Variants in LARGE1 observed in about 807,000 individuals in gnomAD.
LARGE1 encodes the protein xylosyl- and glucuronyltransferase LARGE1.
Under a neutral mutation model 87.6 loss-of-function variants are expected in LARGE1, and 43 were observed. The observed-to-expected ratio is 0.49, with a 90% CI of 0.38 to 0.63. The LOEUF (loss-of-function observed/expected upper bound fraction) is 0.63, where lower values mean the gene tolerates loss of function less well. LARGE1 is among the 30% of genes least tolerant of loss of function. The probability of loss-of-function intolerance (pLI) is 0.00; values close to 1 mark genes in which losing one functional copy is unlikely to be tolerated. For missense variants in LARGE1, 802 were observed against 1,000.2 expected (o/e 0.80, Z 2.67); for synonymous variants, 434 against 394.6 (o/e 1.10, Z -1.18).
At position 33,221,462 on chromosome 22, in the gene LARGE1, T is replaced by C. The variant is rs567664104; in HGVS notation, c.1731-54630A>G. On this transcript the variant is annotated intron_variant, in intron 11 of 11. Transcript: ENST00000608642. ...GATGCAAGTTATTTAAAACTGGGTA[T>C]ACATCTTCAAGGTCACTATTCTGGA... 4 of 152,364 alleles carry C rather than the reference T, an allele frequency of 2.6e-5. 1 individual carries two copies. The highest frequency in any genetic ancestry group is 9.6e-5 in the African/African-American group (4 of 41,594). The allele number at this position is 152,364 out of a possible 1,614,324, so 9.4% of individuals were successfully genotyped here.
intron 9 of LARGE1, among the ~76,000 whole-genome samples, chr22:33,380,854 T>C (rs2065132376): frequency 6.6e-6 from 1 of 152,258 alleles, no homozygotes; most frequent in Non-Finnish European, 1.5e-5. Context: ...GCAAAAGCCC[T>C]TGCTGTCAGA....
At chr22:33,423,451 C>T (rs1022084504) in intron 7 of LARGE1, among the ~76,000 whole-genome samples, 2 of 151,326 alleles carry the variant, frequency 1.3e-5, no homozygotes, top group South Asian at 4.2e-4. Flanking sequence ...CTGAGGTGGG[C>T]GGATCACTTG....
intron 3 of LARGE1, among the ~76,000 whole-genome samples, chr22:33,644,072 T>C (rs2080528920): frequency 6.6e-6 from 1 of 152,116 alleles, no homozygotes; most frequent in Non-Finnish European, 1.5e-5. Flanking sequence ...GAGGCCAGCA[T>C]CACCCTAACA....
At chr22:33,894,473 T>C (rs996974368) in intron 1 of LARGE1, among the ~76,000 whole-genome samples, 1 of 152,056 alleles carries the variant, frequency 6.6e-6, no homozygotes. Flanking sequence ...TTATTTCAAT[T>C]TGAGGCTTTA....
chr22:33,334,381 A>G (rs1333231959), intron 10 of LARGE1, among the ~76,000 whole-genome samples: 3 of 143,498 alleles, frequency 2.1e-5, no homozygotes, highest in Non-Finnish European at 4.5e-5. Flanking sequence ...ACTGCACTCT[A>G]GCCTGGCGAC....
At chr22:33,769,633 T>TA (rs1468253297) in intron 1 of LARGE1, among the ~76,000 whole-genome samples, 4 of 152,176 alleles carry the variant, frequency 2.6e-5, no homozygotes, top group Non-Finnish European at 5.9e-5. Flanking sequence ...CTGTGGAACT[T>TA]ACACTATGAG....
Position 33,787,020 on chromosome 22 carries a change from CAAAAAAAA to C in LARGE1, c.-82-25470_-82-25463del, listed in dbSNP as rs1184293115. On this transcript the variant is annotated intron_variant, in intron 1 of 14. Coordinates refer to ENST00000397394, the MANE Select transcript of LARGE1 (RefSeq NM_133642.5). ...TGGGTGACAGAGTGAGACTCCATTTCAAAAAAAAAAAAAAAAAGAAAGAAAAAGTAAGA... is the reference window on the plus strand; with the variant it reads ...TGGGTGACAGAGTGAGACTCCATTTCAAAAAAAAAGAAAGAAAAAGTAAGA... Among the ~76,000 whole-genome samples, 349 of 77,124 alleles carry C rather than the reference CAAAAAAAA, an allele frequency of 4.5e-3. 4 individuals are homozygous for C. The highest frequency in any genetic ancestry group is 0.017 in the African/African-American group (327 of 19,374). The allele number at this position is 77,124 out of a possible 152,430, so 50.6% of individuals were successfully genotyped here.
chr22:33,305,804 T>C (rs977326123), intron 11 of LARGE1, among the ~76,000 whole-genome samples: 1 of 152,108 alleles, frequency 6.6e-6, no homozygotes, highest in Non-Finnish European at 1.5e-5. Context: ...ATTATAATGC[T>C]TGCTAACCAA....
chr22:33,625,155 C>A (rs529790053), intron 4 of LARGE1, among the ~76,000 whole-genome samples: 2 of 152,350 alleles, frequency 1.3e-5, no homozygotes, highest in African/African-American at 4.8e-5. Context: ...CCTGACTCAT[C>A]CACCCAACAG....
chr22:33,112,080 C>A, the LARGE1 span, among the ~76,000 whole-genome samples: 2 of 152,188 alleles, frequency 1.3e-5, no homozygotes, highest in East Asian at 3.8e-4. Flanking sequence ...GGGTTTTAAG[C>A]AAGGGAATAG....
At chr22:33,499,798 A>G (rs1354707000) in intron 6 of LARGE1, among the ~76,000 whole-genome samples, 1 of 152,146 alleles carries the variant, frequency 6.6e-6, no homozygotes, top group Non-Finnish European at 1.5e-5. Context: ...TTTGAGATGA[A>G]GTCTCGCTCT....
the LARGE1 span, among the ~76,000 whole-genome samples, chr22:33,083,061 T>C: frequency 1.3e-5 from 2 of 152,088 alleles, no homozygotes; most frequent in Non-Finnish European, 2.9e-5. Context: ...TAAACTACCA[T>C]TTACAGTAGA....
At chr22:33,382,648 T>C (rs556271413) in intron 8 of LARGE1, among the ~76,000 whole-genome samples, 2 of 152,174 alleles carry the variant, frequency 1.3e-5, no homozygotes, top group Non-Finnish European at 2.9e-5. Context: ...TTCTCCAAGC[T>C]GTTGCACCAG....
intron 10 of LARGE1, 93 bp from the exon 11 acceptor site, chr22:33,316,341 A>C (rs913196856): frequency 1.6e-6 from 2 of 1,263,210 alleles, no homozygotes; most frequent in African/African-American, 2.9e-5. Context: ...CCCTGAGTTT[A>C]TTACCCATCA....
intron 9 of LARGE1, among the ~76,000 whole-genome samples, chr22:33,344,897 G>A (rs555576259): frequency 2.6e-5 from 4 of 152,008 alleles, no homozygotes; most frequent in Non-Finnish European, 5.9e-5. Context: ...TGCTGGCTTG[G>A]GGGCAGGAAA....
intron 12 of LARGE1, among the ~76,000 whole-genome samples, chr22:33,286,525 G>A (rs1049815729): frequency 6.6e-6 from 1 of 152,170 alleles, no homozygotes; most frequent in Non-Finnish European, 1.5e-5. Flanking sequence ...GATACAGGGT[G>A]AAAAGAACAA....
chr22:33,194,090 T>A (rs988152863), intron 11 of LARGE1, among the ~76,000 whole-genome samples: 1 of 151,776 alleles, frequency 6.6e-6, no homozygotes, highest in African/African-American at 2.4e-5. Context: ...CATAAATTTT[T>A]ATACTTACTT....
intron 4 of LARGE1, among the ~76,000 whole-genome samples, chr22:33,612,778 T>C (rs950054120): frequency 6.6e-6 from 1 of 152,150 alleles, no homozygotes; most frequent in Non-Finnish European, 1.5e-5. Flanking sequence ...CAGACAAGGT[T>C]TGGAGGCTCA....
intron 1 of LARGE1, among the ~76,000 whole-genome samples, chr22:33,857,608 G>A (rs1046353048): frequency 6.6e-6 from 1 of 152,188 alleles, no homozygotes; most frequent in Non-Finnish European, 1.5e-5. Context: ...ATAATCGAGT[G>A]CATCAGAGAG....
Sources: allele counts gnomAD v4.1 joint callset (sites outside exome capture counted in the v4.1 genomes callset), GRCh38; gene constraint gnomAD v4.1.1; transcripts MANE v1.5; gene names NCBI Gene and HGNC (gene_info 2026-07-23, HGNC 2026-07-21).